NELL1: variants seen among roughly 807,000 people sequenced by gnomAD.
NELL1 encodes the protein neural EGFL like 1.
A neutral mutation model predicts 107.4 loss-of-function variants in NELL1; 76 were observed. That is an observed-to-expected ratio of 0.71 (90% CI 0.59 to 0.86). The LOEUF is 0.86. Among genes scored for constraint, NELL1 ranks in the 40% least tolerant of loss-of-function variants. NELL1 has a pLI of 0.00. For synonymous variants in NELL1, 353 were observed against 341.2 expected (o/e 1.03, Z -0.38); for missense variants, 1,024 against 1,005.5 (o/e 1.02, Z -0.25).
At chr11:21,138,444 A>G (rs571801401) in intron 13 of NELL1, among the ~76,000 whole-genome samples, 1 of 152,204 alleles carries the variant, frequency 6.6e-6, no homozygotes, top group African/African-American at 2.4e-5. Context: ...TCACTCAGAG[A>G]CACGTCAACA....
intron 15 of NELL1, among the ~76,000 whole-genome samples, chr11:21,371,647 A>G (rs1325584892): frequency 6.6e-6 from 1 of 152,080 alleles, no homozygotes; most frequent in Non-Finnish European, 1.5e-5. Context: ...TATGACACGT[A>G]AAAGTGAATA....
chr11:20,768,422 C>T (rs540421405), intron 2 of NELL1, among the ~76,000 whole-genome samples: 1 of 152,358 alleles, frequency 6.6e-6, no homozygotes, highest in South Asian at 2.1e-4. Flanking sequence ...CAGGGCCTTT[C>T]AGGCCATGGC....
intron 9 of NELL1, among the ~76,000 whole-genome samples, chr11:20,933,594 T>C (rs139489430): frequency 1.1e-4 from 17 of 152,314 alleles, no homozygotes; most frequent in African/African-American, 3.4e-4. Flanking sequence ...TCTGCCACTC[T>C]CCTTTAAAGT....
At chr11:20,782,241 G>A (rs754412555) in intron 2 of NELL1, among the ~76,000 whole-genome samples, 2 of 152,094 alleles carry the variant, frequency 1.3e-5, no homozygotes, top group Non-Finnish European at 2.9e-5. Context: ...AAAGCTGACA[G>A]CATGCCACTT....
rs184306630 is a variant in NELL1, at chr11:21,104,569, G to A, written c.1301-9020G>A. Reference sequence around the variant, plus strand: ...AACACTCTAATTTGTATTTCATGGTGTATGTAACCTTGTTGAAGAAGACTT... The same window carrying A: ...AACACTCTAATTTGTATTTCATGGTATATGTAACCTTGTTGAAGAAGACTT... On this transcript the variant is annotated intron_variant, in intron 12 of 19. Transcript: ENST00000357134. 3.9e-5 allele frequency among the ~76,000 whole-genome samples: 6 copies of A among 152,322 alleles called. No individual in the cohort carries two copies. In the East Asian group the frequency reaches 1.2e-3, roughly 29 times the overall value.
At chr11:21,453,646 G>T (rs969287874) in intron 15 of NELL1, among the ~76,000 whole-genome samples, 1 of 151,744 alleles carries the variant, frequency 6.6e-6, no homozygotes, top group African/African-American at 2.4e-5. Flanking sequence ...TATTTATATA[G>T]TTGGGTTTAA....
intron 14 of NELL1, among the ~76,000 whole-genome samples, chr11:21,238,674 G>C (rs917950193): frequency 1.3e-5 from 2 of 151,986 alleles, no homozygotes; most frequent in African/African-American, 4.8e-5. Context: ...GAATTATAAA[G>C]AAAAATATGG....
At chr11:21,537,071 A>C (rs1274338594) in intron 16 of NELL1, among the ~76,000 whole-genome samples, 2 of 152,154 alleles carry the variant, frequency 1.3e-5, no homozygotes, top group Admixed American at 1.3e-4. Context: ...TTTGGGTAGT[A>C]GTCTGAATTT....
At chr11:20,978,825 C>A (rs550890834) in intron 12 of NELL1, among the ~76,000 whole-genome samples, 1 of 152,226 alleles carries the variant, frequency 6.6e-6, no homozygotes. Flanking sequence ...GGTTACCCTG[C>A]AAAATCAGAT....
chr11:21,476,526 A>G (rs1270030452), intron 15 of NELL1, among the ~76,000 whole-genome samples: 1 of 152,152 alleles, frequency 6.6e-6, no homozygotes, highest in African/African-American at 2.4e-5. Context: ...TTTAAAAATG[A>G]TAGAGAAATG....
At chr11:21,244,204 A>G (rs1450180085) in intron 14 of NELL1, among the ~76,000 whole-genome samples, 1 of 152,172 alleles carries the variant, frequency 6.6e-6, no homozygotes. Context: ...ACAAATCTAT[A>G]GCATTTACTT....
intron 12 of NELL1, among the ~76,000 whole-genome samples, chr11:21,065,007 A>T (rs1853833803): frequency 6.6e-6 from 1 of 152,206 alleles, no homozygotes; most frequent in East Asian, 1.9e-4. Flanking sequence ...GTAGAGTTTA[A>T]TGATACAGTG....
chr11:20,832,737 A>T (rs751842555), intron 3 of NELL1, among the ~76,000 whole-genome samples: 1 of 152,230 alleles, frequency 6.6e-6, no homozygotes, highest in East Asian at 1.9e-4. Context: ...AATAGCTGAC[A>T]TTTATTGAGT....
chr11:20,950,540 A>G (rs1350656959), intron 11 of NELL1, among the ~76,000 whole-genome samples: 1 of 152,276 alleles, frequency 6.6e-6, no homozygotes, highest in Admixed American at 6.5e-5. Flanking sequence ...GGGTTGGACA[A>G]TTACTATTCT....
intron 15 of NELL1, among the ~76,000 whole-genome samples, chr11:21,533,264 G>C (rs527585014): frequency 3.9e-5 from 6 of 152,170 alleles, no homozygotes; most frequent in Non-Finnish European, 7.3e-5. Flanking sequence ...CATGGGACTT[G>C]TCAAGATAAT....
chr11:21,089,965 G>A (rs181732996), intron 12 of NELL1, among the ~76,000 whole-genome samples: 7 of 152,250 alleles, frequency 4.6e-5, no homozygotes, highest in African/African-American at 9.6e-5. Context: ...GAAAGTGAGG[G>A]TCTGCCATGG....
At chr11:20,993,851 G>T (rs1329466012) in intron 12 of NELL1, among the ~76,000 whole-genome samples, 2 of 147,344 alleles carry the variant, frequency 1.4e-5, no homozygotes, top group Non-Finnish European at 3.0e-5. Context: ...GGGGATGGGG[G>T]ACCCATGGAT....
At chr11:21,564,593 A>G (rs909349786) in intron 17 of NELL1, among the ~76,000 whole-genome samples, 1 of 151,922 alleles carries the variant, frequency 6.6e-6, no homozygotes, top group East Asian at 1.9e-4. Flanking sequence ...TGAAGGCCAG[A>G]TAGTGTTTCT....
chr11:21,201,033 G>A (rs1040253347), intron 13 of NELL1, among the ~76,000 whole-genome samples: 1 of 152,150 alleles, frequency 6.6e-6, no homozygotes, highest in Non-Finnish European at 1.5e-5. Flanking sequence ...GGTTACTGTA[G>A]CCTTGTAGTA....
Sources: allele counts gnomAD v4.1 joint callset (sites outside exome capture counted in the v4.1 genomes callset), GRCh38; gene constraint gnomAD v4.1.1; transcripts MANE v1.5; gene names NCBI Gene and HGNC (gene_info 2026-07-23, HGNC 2026-07-21).